PLCB4: variants seen among roughly 807,000 people sequenced by gnomAD.
PLCB4 encodes phospholipase C beta 4.
PLCB4 carries 77 observed loss-of-function variants against 178.8 expected under a neutral mutation model. That is an observed-to-expected ratio of 0.43 (90% CI 0.36 to 0.52). PLCB4 has a LOEUF of 0.52. Among genes scored for constraint, PLCB4 ranks in the 20% least tolerant of loss-of-function variants. The pLI is 0.00. For synonymous variants in PLCB4, 496 were observed against 490.8 expected (o/e 1.01, Z -0.14); for missense variants, 1,024 against 1,453.4 (o/e 0.70, Z 4.80).
chr20:9,292,120 G>T (rs914331319), intron 3 of PLCB4, among the ~76,000 whole-genome samples: 3 of 152,110 alleles, frequency 2.0e-5, no homozygotes, highest in African/African-American at 7.2e-5. Context: ...AAAGCACTTT[G>T]CCCATTTTTG....
intron 7 of PLCB4, among the ~76,000 whole-genome samples, chr20:9,342,681 T>TC (rs2033362390): frequency 2.0e-5 from 3 of 151,580 alleles, no homozygotes; most frequent in African/African-American, 7.3e-5. Flanking sequence ...CCCCCTGTAC[T>TC]TTACTCTGAA....
intron 4 of PLCB4, among the ~76,000 whole-genome samples, chr20:9,327,086 T>C (rs1162785454): frequency 6.6e-6 from 1 of 152,144 alleles, no homozygotes; most frequent in Non-Finnish European, 1.5e-5. Context: ...TCTTTGATGG[T>C]TAATAATAAT....
Position 9,074,076 on chromosome 20 carries a change from G to A in PLCB4, c.-135+4870G>A, listed in dbSNP as rs115350818. ...GAGCAGTGGTTGCTGAGATCTTCAG[G>A]CGTTGGAATCAGGCACTGAATTCCT... is the stretch of plus-strand genomic sequence containing the variant. On this transcript the variant is annotated intron_variant, in intron 1 of 39. Transcript: ENST00000378473. Among the ~76,000 whole-genome samples, 540 of 152,222 alleles carry A rather than the reference G, an allele frequency of 3.5e-3. 3 individuals are homozygous for A. Among genetic ancestry groups the A allele is most frequent in the African/African-American group, 0.012 (511 of 41,530 alleles).
intron 18 of PLCB4, among the ~76,000 whole-genome samples, chr20:9,394,641 T>C (rs2038422110): frequency 6.6e-6 from 1 of 152,218 alleles, no homozygotes; most frequent in South Asian, 2.1e-4. Context: ...CCCAAGTTGA[T>C]GGATTTTCAC....
chr20:9,140,625 T>A (rs986515925), intron 2 of PLCB4, among the ~76,000 whole-genome samples: 5 of 151,504 alleles, frequency 3.3e-5, no homozygotes, highest in Non-Finnish European at 5.9e-5. Flanking sequence ...AATGAGTGAG[T>A]TCTTGTTCTA....
Position 9,457,444 on chromosome 20 carries a change from A to G in PLCB4, c.3027A>G (p.Glu1009=), listed in dbSNP as rs1321426236. The part of the protein sequence containing the change: ...GGSNCLEMKK[E]TEIKIQTLTS... ...GTAATTGTCTCGAAATGAAAAAAGA[A>G]ACAGAAATCAAAATTCAGACGCTGA... The change falls in exon 34 of 40, where the codon GAA becomes GAG. Residue 1009 remains glutamate, a synonymous_variant. Coordinates refer to ENST00000378473, the MANE Select transcript of PLCB4 (RefSeq NM_001377142.1). 7.0e-6 allele frequency: 11 copies of G among 1,568,620 alleles called. No individual in the cohort carries two copies. The highest frequency in any genetic ancestry group is 9.7e-6 in the Non-Finnish European group (11 of 1,138,674).
intron 7 of PLCB4, among the ~76,000 whole-genome samples, chr20:9,339,934 G>T (rs2032982328): frequency 6.6e-6 from 1 of 152,306 alleles, no homozygotes; most frequent in African/African-American, 2.4e-5. Flanking sequence ...TGTTTACAGG[G>T]TGATTTTACC....
chr20:9,415,829 A>G (rs553920178), intron 25 of PLCB4, among the ~76,000 whole-genome samples: 1 of 152,306 alleles, frequency 6.6e-6, no homozygotes, highest in African/African-American at 2.4e-5. Flanking sequence ...AGAACTGCAC[A>G]ATTAGCACAT....
At chr20:9,419,488 G>A (rs1179912786) in intron 25 of PLCB4, among the ~76,000 whole-genome samples, 1 of 152,068 alleles carries the variant, frequency 6.6e-6, no homozygotes, top group Non-Finnish European at 1.5e-5. Context: ...GATAACTATA[G>A]CTAATATAAT....
At chr20:9,191,345 A>ATTTTTTTTTTTTT (rs71184136) in intron 2 of PLCB4, among the ~76,000 whole-genome samples, 1 of 58,842 alleles carries the variant, frequency 1.7e-5, no homozygotes, top group Non-Finnish European at 2.9e-5. Context: ...CTAGATAGGC[A>ATTTTTTTTTTTTT]TTTTTTTTTT....
chr20:9,072,284 A>C (rs1292326402), intron 1 of PLCB4, among the ~76,000 whole-genome samples: 1 of 152,136 alleles, frequency 6.6e-6, no homozygotes, highest in Non-Finnish European at 1.5e-5. Flanking sequence ...TATTGGGAAA[A>C]TGAATAAACT....
intron 3 of PLCB4, among the ~76,000 whole-genome samples, chr20:9,228,655 C>CATATGTGTGTTTATGTGT (rs756831783): frequency 1.3e-5 from 2 of 152,124 alleles, no homozygotes; most frequent in Non-Finnish European, 2.9e-5. Context: ...GAAGTAGGTA[C>CATATGTGTGTTTATGTGT]ATATGTGTGT....
intron 3 of PLCB4, among the ~76,000 whole-genome samples, chr20:9,239,530 G>A (rs1280297780): frequency 2.0e-5 from 3 of 152,158 alleles, no homozygotes; most frequent in African/African-American, 7.2e-5. Context: ...GAATGCCCAA[G>A]TATCCAGGGA....
At chr20:9,399,405 G>C (rs774504981) in intron 19 of PLCB4, among the ~76,000 whole-genome samples, 7 of 152,240 alleles carry the variant, frequency 4.6e-5, no homozygotes, top group Non-Finnish European at 1.0e-4. Flanking sequence ...TAGTGCCACT[G>C]TATGAATCTA....
intron 3 of PLCB4, among the ~76,000 whole-genome samples, chr20:9,293,618 A>G (rs2094602729): frequency 1.4e-5 from 1 of 72,152 alleles, no homozygotes; most frequent in Admixed American, 1.5e-4. Context: ...TCCACAGAGT[A>G]AAATATTCAT....
At chr20:9,369,800 C>G (rs922911002) in intron 9 of PLCB4, among the ~76,000 whole-genome samples, 2 of 152,222 alleles carry the variant, frequency 1.3e-5, no homozygotes, top group African/African-American at 4.8e-5. Context: ...TCAGAACTTG[C>G]CTTCTACTTA....
chr20:9,426,960 C>A (rs548335184), intron 28 of PLCB4, among the ~76,000 whole-genome samples: 1 of 152,194 alleles, frequency 6.6e-6, no homozygotes, highest in Non-Finnish European at 1.5e-5. Context: ...CGCGGTGGCT[C>A]ATGCCTGTAA....
At chr20:9,323,623 G>A (rs895849111) in intron 4 of PLCB4, among the ~76,000 whole-genome samples, 1 of 152,222 alleles carries the variant, frequency 6.6e-6, no homozygotes. Flanking sequence ...GTGGAGAAAG[G>A]TTAAGCCAGA....
intron 16 of PLCB4, 34 bp from the exon 17 acceptor site, chr20:9,390,496 GT>G (rs1315312745): frequency 9.5e-7 from 1 of 1,052,024 alleles, no homozygotes; most frequent in Non-Finnish European, 1.5e-6. Context: ...GTTAATGGGT[GT>G]TTGAATTTAC....
Sources: allele counts gnomAD v4.1 joint callset (sites outside exome capture counted in the v4.1 genomes callset), GRCh38; gene constraint gnomAD v4.1.1; transcripts MANE v1.5; gene names NCBI Gene and HGNC (gene_info 2026-07-23, HGNC 2026-07-21).